The following GPC5 variants were observed in gnomAD, a reference collection of about 807,000 sequenced individuals.
GPC5 encodes the protein glypican 5.
GPC5 carries 47 observed loss-of-function variants against 53.9 expected under a neutral mutation model. The ratio of observed to expected loss-of-function variants is 0.87; its 90% confidence interval spans 0.69 to 1.11. The LOEUF is 1.11. Ranked by LOEUF, GPC5 falls within the 50% of genes most tolerant of loss-of-function variation. GPC5 has a pLI of 0.00. For synonymous variants in GPC5, 286 were observed against 263.3 expected (o/e 1.09, Z -0.84); for missense variants, 748 against 713.1 (o/e 1.05, Z -0.56).
At chr13:92,154,822 C>T (rs558977947) in intron 7 of GPC5, among the ~76,000 whole-genome samples, 243 of 152,310 alleles carry the variant, frequency 1.6e-3, no homozygotes, top group South Asian at 5.6e-3. Context: ...AATCTGAGCA[C>T]TAATGATGGC....
chr13:91,596,869 T>G (rs2033013410), intron 2 of GPC5, among the ~76,000 whole-genome samples: 1 of 152,200 alleles, frequency 6.6e-6, no homozygotes, highest in South Asian at 2.1e-4. Flanking sequence ...CCTTTCCTAG[T>G]AGCCTTACAT....
intron 6 of GPC5, among the ~76,000 whole-genome samples, chr13:92,116,171 C>T (rs2138935632): frequency 6.6e-6 from 1 of 152,148 alleles, no homozygotes. Flanking sequence ...ACCACTTGAG[C>T]ACAACAGGTC....
intron 7 of GPC5, among the ~76,000 whole-genome samples, chr13:92,397,277 G>GT (rs1875326487): frequency 6.6e-6 from 1 of 152,106 alleles, no homozygotes; most frequent in African/African-American, 2.4e-5. Flanking sequence ...GGGCTGGGGG[G>GT]GGTTCCCCCA....
At chr13:91,573,874 G>GTA (rs1198993939) in intron 2 of GPC5, among the ~76,000 whole-genome samples, 1 of 151,974 alleles carries the variant, frequency 6.6e-6, no homozygotes, top group Non-Finnish European at 1.5e-5. Flanking sequence ...AAGTTTTATC[G>GTA]TATATATATG....
chr13:92,028,432 C>A (rs1232760911), intron 6 of GPC5, among the ~76,000 whole-genome samples: 1 of 152,072 alleles, frequency 6.6e-6, no homozygotes, highest in African/African-American at 2.4e-5. Context: ...CAAAGTAGTT[C>A]TTGAATTGCT....
chr13:92,857,030 C>CA (rs944230249), intron 7 of GPC5, among the ~76,000 whole-genome samples: 2 of 151,798 alleles, frequency 1.3e-5, no homozygotes, highest in African/African-American at 2.4e-5. Context: ...CAATCCTAGG[C>CA]AAAAAGAACA....
At chr13:91,624,663 G>A (rs1343326284) in intron 2 of GPC5, among the ~76,000 whole-genome samples, 1 of 151,782 alleles carries the variant, frequency 6.6e-6, no homozygotes, top group Non-Finnish European at 1.5e-5. Flanking sequence ...TAGAAATTTT[G>A]CATTTTACAA....
intron 6 of GPC5, among the ~76,000 whole-genome samples, chr13:91,955,268 A>G (rs182749646): frequency 1.3e-5 from 2 of 152,344 alleles, no homozygotes; most frequent in Admixed American, 6.5e-5. Flanking sequence ...ATAGCCAAGA[A>G]CACTCAAATT....
At chr13:92,478,804 G>A (rs1879243358) in intron 7 of GPC5, among the ~76,000 whole-genome samples, 1 of 152,134 alleles carries the variant, frequency 6.6e-6, no homozygotes, top group South Asian at 2.1e-4. Flanking sequence ...TCCAACGTTG[G>A]ACCTTCCTAA....
At chr13:92,476,607 C>A (rs546425316) in intron 7 of GPC5, among the ~76,000 whole-genome samples, 1 of 149,252 alleles carries the variant, frequency 6.7e-6, no homozygotes, top group African/African-American at 2.6e-5. Context: ...ATGTTTACTG[C>A]GGCATTATTC....
At chr13:91,819,180 G>A (rs891575059) in intron 5 of GPC5, among the ~76,000 whole-genome samples, 1 of 80,914 alleles carries the variant, frequency 1.2e-5, no homozygotes, top group African/African-American at 5.0e-5. Flanking sequence ...TTTTTTTTGA[G>A]ATGGAGTCTC....
At chr13:91,849,052 A>G (rs1458166388) in intron 5 of GPC5, among the ~76,000 whole-genome samples, 1 of 152,182 alleles carries the variant, frequency 6.6e-6, no homozygotes, top group East Asian at 1.9e-4. Context: ...GTTTTGGCTT[A>G]TTGAAAGGAG....
chr13:92,295,714 C>G (rs1238823589), intron 7 of GPC5, among the ~76,000 whole-genome samples: 3 of 152,144 alleles, frequency 2.0e-5, no homozygotes, highest in Non-Finnish European at 2.9e-5. Flanking sequence ...TATAATGTCC[C>G]TCTTTGTCTC....
intron 1 of GPC5, among the ~76,000 whole-genome samples, chr13:91,401,417 A>T (rs1162666654): frequency 1.3e-5 from 2 of 152,222 alleles, no homozygotes; most frequent in African/African-American, 2.4e-5. Flanking sequence ...TGAATATGGT[A>T]ATTGACTATC....
At chr13:91,649,889 C>A (rs1210186769) in intron 2 of GPC5, among the ~76,000 whole-genome samples, 1 of 152,128 alleles carries the variant, frequency 6.6e-6, no homozygotes, top group African/African-American at 2.4e-5. Flanking sequence ...CTACTGATTA[C>A]TATGTTCAAA....
intron 6 of GPC5, among the ~76,000 whole-genome samples, chr13:91,963,677 TA>T: frequency 6.6e-6 from 1 of 152,236 alleles, no homozygotes; most frequent in South Asian, 2.1e-4. Context: ...AGATAATGAT[TA>T]AAATTATTAA....
intron 6 of GPC5, among the ~76,000 whole-genome samples, chr13:91,924,625 T>C (rs2039749150): frequency 6.6e-6 from 1 of 151,844 alleles, no homozygotes; most frequent in East Asian, 1.9e-4. Context: ...CCTGTAGTCC[T>C]AGCTACTCAG....
At chr13:92,858,158 A>G (rs1206334509) in intron 7 of GPC5, among the ~76,000 whole-genome samples, 3 of 152,142 alleles carry the variant, frequency 2.0e-5, no homozygotes, top group Non-Finnish European at 4.4e-5. Context: ...CTCATCTTGT[A>G]GTTCCCATAA....
intron 2 of GPC5, among the ~76,000 whole-genome samples, chr13:91,631,440 A>T (rs528209742): frequency 6.6e-6 from 1 of 152,112 alleles, no homozygotes; most frequent in South Asian, 2.1e-4. Context: ...ACTGAACTAC[A>T]TAGGGAGGCA....
Sources: allele counts gnomAD v4.1 joint callset (sites outside exome capture counted in the v4.1 genomes callset), GRCh38; gene constraint gnomAD v4.1.1; transcripts MANE v1.5; gene names NCBI Gene and HGNC (gene_info 2026-07-23, HGNC 2026-07-21).